NCOR2: variants seen among roughly 807,000 people sequenced by gnomAD.
NCOR2 encodes CTG repeat protein 26.
Under a neutral mutation model 262.9 loss-of-function variants are expected in NCOR2, and 81 were observed. The observed-to-expected ratio is 0.31, with a 90% confidence interval of 0.26 to 0.37. The LOEUF (loss-of-function observed/expected upper bound fraction) is 0.37, where lower values mean the gene tolerates loss of function less well. Among genes scored for constraint, NCOR2 ranks in the 10% least tolerant of loss-of-function variants. The pLI, the probability that NCOR2 is intolerant of heterozygous loss-of-function variation, is 1.00. For missense variants in NCOR2, 3,385 were observed against 3,621.4 expected, an observed-to-expected ratio of 0.93 and a Z score of 1.68; for synonymous variants, 1,659 against 1,559.3, an observed-to-expected ratio of 1.06 and a Z score of -1.51.
chr12:124,453,402 C>T (rs1301927483), intron 6 of NCOR2, among the ~76,000 whole-genome samples: 1 of 152,206 alleles, frequency 6.6e-6, no homozygotes, highest in East Asian at 1.9e-4. Context: ...ACCCAGGAGG[C>T]CCCAAGGTCC....
intron 23 of NCOR2, among the ~76,000 whole-genome samples, 177 bp downstream of exon 25, chr12:124,356,465 C>G (rs961253380): frequency 5.3e-5 from 8 of 152,214 alleles, no homozygotes; most frequent in African/African-American, 1.9e-4. Context: ...CCATCTCAAC[C>G]CTGGGGCAGC....
intron 1 of NCOR2, among the ~76,000 whole-genome samples, chr12:124,528,021 TG>T (rs1187640188): frequency 6.6e-6 from 1 of 152,228 alleles, no homozygotes; most frequent in Non-Finnish European, 1.5e-5. Flanking sequence ...AGGGATTTGC[TG>T]AATCAGGATG....
chr12:124,419,790 T>C lies in NCOR2; in HGVS notation c.1482+167A>G, dbSNP rs372793234. ...GCACCCCAGAGGGGGTCTCCCCACA[T>C]CTGCTGCTACCACGGAGGGGAGCCT... On this transcript the variant is annotated intron_variant, in intron 13 of 46. Transcript: ENST00000405201. Among the ~76,000 whole-genome samples, 20 of 152,322 alleles carry C rather than the reference T, an allele frequency of 1.3e-4. No individual in the cohort carries two copies. In the East Asian group the frequency reaches 2.9e-3, roughly 22 times the overall value.
intron 26 of NCOR2, 41 bp from the exon 29 acceptor site, chr12:124,354,237 C>T: frequency 1.3e-6 from 2 of 1,533,128 alleles, no homozygotes; most frequent in Non-Finnish European, 1.8e-6. Context: ...GTGTCTGTGG[C>T]CCTTCCTTCC....
intron 13 of NCOR2, among the ~76,000 whole-genome samples, chr12:124,413,236 C>T (rs1482862983): frequency 6.6e-6 from 1 of 152,174 alleles, no homozygotes; most frequent in Non-Finnish European, 1.5e-5. Flanking sequence ...GCGGTCGTGC[C>T]CACTCCCCGA....
chr12:124,474,514 C>G (rs1169013002), intron 3 of NCOR2, among the ~76,000 whole-genome samples: 1 of 152,144 alleles, frequency 6.6e-6, no homozygotes, highest in Non-Finnish European at 1.5e-5. Flanking sequence ...CCAGGCTGTG[C>G]TGGAAACACT....
intron 13 of NCOR2, among the ~76,000 whole-genome samples, chr12:124,416,234 AAC>A (rs2042851685): frequency 6.6e-6 from 1 of 150,860 alleles, no homozygotes; most frequent in Admixed American, 6.7e-5. Context: ...GGTAAAAAAA[AAC>A]ATCTCTATTT....
intron 1 of NCOR2, among the ~76,000 whole-genome samples, chr12:124,552,575 C>T (rs892903849): frequency 8.5e-5 from 13 of 152,200 alleles, no homozygotes; most frequent in African/African-American, 1.9e-4. Context: ...GCCCTGTTCC[C>T]GGTTGCTGGT....
At chr12:124,353,265 G>A (rs933033469) in intron 27 of NCOR2, among the ~76,000 whole-genome samples, 2 of 152,352 alleles carry the variant, frequency 1.3e-5, no homozygotes, top group African/African-American at 2.4e-5. Flanking sequence ...AGGGCAGGCC[G>A]CTGCCTGTCT....
chr12:124,567,512 GCGGGCGCAGGGCT>G (rs1434231417), upstream of NCOR2: 1 of 146,846 alleles, frequency 6.8e-6, no homozygotes, highest in African/African-American at 2.4e-5. Flanking sequence ...AGCGCAGGGC[GCGGGCGCAGGGCT>G]CGGGCGGGGC....
exon 28 of NCOR2, chr12:124,350,603 G>A (rs1323819836): frequency 6.2e-6 from 10 of 1,613,776 alleles, no homozygotes; most frequent in African/African-American, 2.7e-5. Context: ...AGGACAAGAC[G>A]TGGCCCTTCT....
chr12:124,384,148 C>A (rs2040619891), intron 17 of NCOR2, among the ~76,000 whole-genome samples: 1 of 152,220 alleles, frequency 6.6e-6, no homozygotes, highest in South Asian at 2.1e-4. Flanking sequence ...CCAAGTCATC[C>A]TGGATGAACC....
intron 1 of NCOR2, among the ~76,000 whole-genome samples, chr12:124,500,960 G>A (rs1401753218): frequency 1.3e-5 from 2 of 152,134 alleles, no homozygotes; most frequent in Non-Finnish European, 2.9e-5. Flanking sequence ...GAACTAATGG[G>A]TGCTGACATT....
intron 4 of NCOR2, among the ~76,000 whole-genome samples, chr12:124,472,402 G>T (rs2046873753): frequency 6.6e-6 from 1 of 152,158 alleles, no homozygotes; most frequent in African/African-American, 2.4e-5. Context: ...AGGAAACCAA[G>T]GCTCCAAGAG....
At chr12:124,506,580 G>A (rs1467402160) in intron 1 of NCOR2, among the ~76,000 whole-genome samples, 2 of 148,242 alleles carry the variant, frequency 1.3e-5, no homozygotes, top group African/African-American at 2.5e-5. Flanking sequence ...GGCTCCACCC[G>A]AGAAGCCCTG....
At chr12:124,494,547 G>A (rs924340648) in intron 1 of NCOR2, among the ~76,000 whole-genome samples, 1 of 152,154 alleles carries the variant, frequency 6.6e-6, no homozygotes, top group Non-Finnish European at 1.5e-5. Flanking sequence ...ATGTGGGCAG[G>A]CAGCGAGGCC....
At position 124,457,165 on chromosome 12, in the gene NCOR2, G is replaced by T. The variant is rs370789628; in HGVS notation, c.706-3C>A. The T allele has an allele frequency of 2.0e-6, 3 of 1,531,766 alleles. No homozygotes were observed. In the African/African-American group the frequency reaches 4.4e-5, roughly 22 times the overall value. The allele number at this position is 1,531,766 out of a possible 1,614,324, so 94.9% of individuals were successfully genotyped here. ...CGATGTGCAGCTTCAGCCTTCTTCT[G>T]CAGGGTGATGGCGAAGAGGAGGAAT... is the stretch of plus-strand genomic sequence containing the variant. On this transcript the variant is annotated splice_polypyrimidine_tract_variant and splice_region_variant and intron_variant, in intron 5 of 46. Transcript: ENST00000405201. This position sits in a 1 kb window ranked among gnomAD's most constrained non-coding sequence, Gnocchi z 4.0.
chr12:124,368,744 C>T (rs2039236925), intron 20 of NCOR2, among the ~76,000 whole-genome samples: 1 of 152,238 alleles, frequency 6.6e-6, no homozygotes, highest in Non-Finnish European at 1.5e-5. Context: ...CCCACTCTCC[C>T]CTGCTCCCCA....
At chr12:124,335,770 A>G (rs1168633983) in intron 38 of NCOR2, 138 bp from the exon 41 acceptor site, 1 of 969,076 alleles carries the variant, frequency 1.0e-6, no homozygotes, top group Non-Finnish European at 1.5e-6. Context: ...TTGGGCTCCC[A>G]AAGACAGTAA....
Sources: allele counts gnomAD v4.1 joint callset (sites outside exome capture counted in the v4.1 genomes callset), GRCh38; gene constraint gnomAD v4.1.1; non-coding constraint Gnocchi (gnomAD v3.1); transcripts MANE v1.5; gene names NCBI Gene and HGNC (gene_info 2026-07-23, HGNC 2026-07-21).